The following C10orf67 variants were observed in gnomAD, a reference collection of about 807,000 sequenced individuals.
The protein encoded by C10orf67 is chromosome 10 open reading frame 67, also known as uncharacterized protein C10orf67, mitochondrial.
A neutral mutation model predicts 35.6 loss-of-function variants in C10orf67; 60 were observed. The observed-to-expected ratio is 1.68, with a 90% confidence interval of 1.37 to 2.09. The LOEUF is 2.09. Among genes scored for constraint, C10orf67 ranks in the 30% most tolerant of loss-of-function variants. The pLI, the probability that C10orf67 is intolerant of heterozygous loss-of-function variation, is 0.00. For synonymous variants in C10orf67, 167 were observed against 115.8 expected (o/e 1.44, Z -2.84); for missense variants, 474 against 330.2 (o/e 1.44, Z -3.38).
intron 13 of C10orf67, among the ~76,000 whole-genome samples, chr10:23,225,081 A>G (rs575482825): frequency 1.3e-5 from 2 of 152,118 alleles, no homozygotes; most frequent in Non-Finnish European, 2.9e-5. Flanking sequence ...ATTCACCAAA[A>G]TTGAAATGAA....
chr10:23,243,459 G>T (rs761834881), intron 12 of C10orf67, among the ~76,000 whole-genome samples: 1 of 151,906 alleles, frequency 6.6e-6, no homozygotes, highest in African/African-American at 2.4e-5. Context: ...TGAGGTGGGC[G>T]GATCATCTGA....
At chr10:23,323,948 T>C (rs183517604) in intron 2 of C10orf67, among the ~76,000 whole-genome samples, 11,502 of 47,362 alleles carry the variant, frequency 0.24, 2,609 homozygotes, top group Admixed American at 0.28. Flanking sequence ...TATATATATA[T>C]ATATACACAC....
chr10:23,226,429 C>T (rs1588590088), intron 13 of C10orf67, among the ~76,000 whole-genome samples: 1 of 152,186 alleles, frequency 6.6e-6, no homozygotes, highest in East Asian at 1.9e-4. Flanking sequence ...CTCTGGGACA[C>T]ATTTAAAGCA....
At chr10:23,310,629 C>CCATCACCCCTCCTGCT (rs1564503761) in intron 4 of C10orf67, among the ~76,000 whole-genome samples, 1 of 152,010 alleles carries the variant, frequency 6.6e-6, no homozygotes, top group African/African-American at 2.4e-5. Context: ...AGGCTTCTGC[C>CCATCACCCCTCCTGCT]CCATCACCCC....
rs180793794 is a variant in C10orf67, at chr10:23,301,035, A to G, written c.702+2269T>C. Among the ~76,000 whole-genome samples, 647 of 152,320 alleles carry G rather than the reference A, an allele frequency of 4.2e-3. 2 individuals carry two copies. The highest frequency in any genetic ancestry group is 5.7e-3 in the Non-Finnish European group (386 of 68,034). ...GTTATCTGAGAATTTACCTAGGTCTATTTTAATTTGCTTTAAGTCTGAGAA... is the reference window on the plus strand; with the variant it reads ...GTTATCTGAGAATTTACCTAGGTCTGTTTTAATTTGCTTTAAGTCTGAGAA... On this transcript the variant is annotated intron_variant, in intron 5 of 15. Coordinates refer to ENST00000636213, the MANE Select transcript of C10orf67 (RefSeq NM_001371909.1).
Position 23,223,595 on chromosome 10 carries a change from T to A in C10orf67, c.1570+3A>T, listed in dbSNP as rs1325415074. 7 of 717,448 alleles carry A rather than the reference T, an allele frequency of 9.8e-6. No homozygotes were observed. 44.4% of individuals were successfully genotyped at this position (717,448 alleles called of 1,614,324 possible). On this transcript the variant is annotated splice_donor_region_variant and intron_variant, in intron 15 of 15. Transcript: ENST00000636213. ...CCTCATTTCCAACAATAATGATTCT[T>A]ACCTTTTGGTGAAAGTTGAAGGGCT...
At chr10:23,242,281 T>C (rs1842204600) in intron 12 of C10orf67, among the ~76,000 whole-genome samples, 1 of 152,132 alleles carries the variant, frequency 6.6e-6, no homozygotes, top group African/African-American at 2.4e-5. Flanking sequence ...CTGACATTAT[T>C]AATTGGCTGA....
intron 13 of C10orf67, among the ~76,000 whole-genome samples, chr10:23,228,193 T>C (rs1690273655): frequency 6.6e-6 from 1 of 152,090 alleles, no homozygotes; most frequent in African/African-American, 2.4e-5. Flanking sequence ...CAAACTATAC[T>C]ACAAGGCTAC....
chr10:23,273,427 C>T (rs1400704370), intron 8 of C10orf67, among the ~76,000 whole-genome samples: 2 of 152,186 alleles, frequency 1.3e-5, no homozygotes, highest in Non-Finnish European at 1.5e-5. Flanking sequence ...TCTTCATCCA[C>T]CTGCTTCTGG....
intron 15 of C10orf67, among the ~76,000 whole-genome samples, chr10:23,205,618 T>A (rs1841137084): frequency 6.6e-6 from 1 of 152,130 alleles, no homozygotes; most frequent in African/African-American, 2.4e-5. Context: ...CTATTAGAAA[T>A]CAGCAGACGA....
At chr10:23,242,837 A>C (rs1043888299) in intron 12 of C10orf67, among the ~76,000 whole-genome samples, 3 of 152,180 alleles carry the variant, frequency 2.0e-5, no homozygotes, top group Non-Finnish European at 4.4e-5. Flanking sequence ...GAAGAAATAT[A>C]AAACAGGTCA....
chr10:23,218,204 A>T (rs1402804427), intron 15 of C10orf67, among the ~76,000 whole-genome samples: 2 of 152,136 alleles, frequency 1.3e-5, no homozygotes. Flanking sequence ...CAGTGGCGCC[A>T]TCATGGCACA....
rs544388234 is a variant in C10orf67, at chr10:23,228,321, C to G, written c.1435-4503G>C. Among the ~76,000 whole-genome samples the G allele has an allele frequency of 1.6e-4, 25 of 152,080 alleles. No homozygotes were observed. The South Asian group carries it at 4.2e-3, about 25-fold the overall frequency. Reference sequence around the variant, plus strand: ...ACCATCTGATCTTTGACAAACCTGACAAAAACAAGAAATGGGGAAAGGATT... The same window carrying G: ...ACCATCTGATCTTTGACAAACCTGAGAAAAACAAGAAATGGGGAAAGGATT... On this transcript the variant is annotated intron_variant, in intron 13 of 15. Coordinates refer to ENST00000636213, the MANE Select transcript of C10orf67 (RefSeq NM_001371909.1).
intron 12 of C10orf67, among the ~76,000 whole-genome samples, chr10:23,247,518 A>T (rs890922397): frequency 2.0e-5 from 3 of 152,198 alleles, no homozygotes; most frequent in Non-Finnish European, 4.4e-5. Flanking sequence ...ATGCTCACAC[A>T]ATGATGAAAT....
chr10:23,237,476 C>A (rs916339560), intron 13 of C10orf67, among the ~76,000 whole-genome samples: 1 of 152,108 alleles, frequency 6.6e-6, no homozygotes, highest in East Asian at 1.9e-4. Flanking sequence ...ATGTTTATAG[C>A]AGCTTTTTTT....
intron 8 of C10orf67, among the ~76,000 whole-genome samples, chr10:23,278,309 C>T (rs1158802467): frequency 6.6e-6 from 1 of 152,138 alleles, no homozygotes; most frequent in Non-Finnish European, 1.5e-5. Context: ...CCTGGAAACC[C>T]CACTGTAGTT....
intron 1 of C10orf67, 130 bp downstream of exon 1, chr10:23,344,439 T>A (rs11013409): frequency 2.2e-6 from 2 of 920,258 alleles, no homozygotes; most frequent in African/African-American, 3.3e-5. Flanking sequence ...CCCACAAGAC[T>A]CCCACAGCCT....
At chr10:23,277,587 A>T (rs934711970) in intron 8 of C10orf67, among the ~76,000 whole-genome samples, 1 of 152,048 alleles carries the variant, frequency 6.6e-6, no homozygotes, top group African/African-American at 2.4e-5. Flanking sequence ...ACACACGTAT[A>T]CAAAATACAC....
chr10:23,277,530 G>T, intron 8 of C10orf67, among the ~76,000 whole-genome samples: 1 of 149,294 alleles, frequency 6.7e-6, no homozygotes. Context: ...TGCAGTCTGG[G>T]TGACAGAGTA....
Sources: allele counts gnomAD v4.1 joint callset (sites outside exome capture counted in the v4.1 genomes callset), GRCh38; gene constraint gnomAD v4.1.1; transcripts MANE v1.5; gene names NCBI Gene and HGNC (gene_info 2026-07-23, HGNC 2026-07-21).